Variants in GRM4 observed in about 807,000 individuals in gnomAD.
The protein encoded by GRM4 is glutamate metabotropic receptor 4.
In GRM4, 28 loss-of-function variants were observed where a neutral mutation model predicts 81.7. The observed-to-expected ratio is 0.34, with a 90% CI of 0.25 to 0.47. GRM4 has a LOEUF of 0.47. GRM4 is among the 20% of genes least tolerant of loss of function. The pLI is 1.00. For missense variants in GRM4, 948 were observed against 1,290.0 expected (o/e 0.73, Z 4.06); for synonymous variants, 488 against 528.8 (o/e 0.92, Z 1.06).
chr6:34,136,849 C>T lies in GRM4; in HGVS notation c.-363-2990G>A, dbSNP rs1360251344. On this transcript the variant is annotated intron_variant, in intron 1 of 10. Transcript: ENST00000538487. This position sits in a 1 kb window ranked among gnomAD's most constrained non-coding sequence, Gnocchi z 4.1. Reference sequence around the variant, plus strand: ...CACTGCCTCTTTTAGCTTCCCCTCCCTCCTTTGATCATGTAACAGGAACAA... The same window carrying T: ...CACTGCCTCTTTTAGCTTCCCCTCCTTCCTTTGATCATGTAACAGGAACAA... Among the ~76,000 whole-genome samples, 2 of 152,058 alleles carry T rather than the reference C, an allele frequency of 1.3e-5. No homozygotes were observed. Among genetic ancestry groups the T allele is most frequent in the Non-Finnish European group, 2.9e-5 (2 of 68,006 alleles).
intron 6 of GRM4, among the ~76,000 whole-genome samples, chr6:34,050,911 G>C (rs1765582213): frequency 6.6e-6 from 1 of 152,266 alleles, no homozygotes; most frequent in South Asian, 2.1e-4. Flanking sequence ...TGGGCACACA[G>C]TCAGGCTCTT....
Position 34,036,525 on chromosome 6 carries a change from G to T in GRM4, c.1585C>A (p.Arg529=). The T allele has an allele frequency of 6.2e-7, 1 of 1,611,256 alleles. No individual in the cohort carries two copies. The highest frequency in any genetic ancestry group is 2.2e-5 in the East Asian group (1 of 44,878). The change falls in exon 9 of 11, where the codon CGG becomes AGG. Residue 529 remains arginine (R), a synonymous_variant. Coordinates refer to ENST00000538487, the MANE Select transcript of GRM4 (RefSeq NM_000841.4). The surrounding 1 kb of genome is among the most constrained non-coding windows in gnomAD (Gnocchi z 9.0). ...ICSLPCQPGE[R]KKTVKGMPCC... is the part of the protein sequence containing the mutation. ...GGCATGCCCTTCACTGTCTTCTTCC[G>T]CTCACCCGGTTGGCAGGGCAGGCTG...
intron 1 of GRM4, among the ~76,000 whole-genome samples, chr6:34,151,406 A>ATC (rs550332411): frequency 6.6e-6 from 1 of 151,950 alleles, no homozygotes; most frequent in Non-Finnish European, 1.5e-5. Flanking sequence ...ACAACTTATC[A>ATC]TCTCTCTCTC....
At chr6:34,134,753 C>G (rs933991769) in intron 1 of GRM4, among the ~76,000 whole-genome samples, 1 of 151,032 alleles carries the variant, frequency 6.6e-6, no homozygotes, top group Non-Finnish European at 1.5e-5. Context: ...CCTCTGAGAG[C>G]GGGGCTCGGG....
upstream of GRM4, among the ~76,000 whole-genome samples, chr6:34,149,496 C>T (rs992311797): frequency 7.9e-5 from 12 of 152,204 alleles, no homozygotes; most frequent in African/African-American, 2.7e-4. Context: ...TAAGTCACCC[C>T]GCAGGCACTG....
rs1367266754 is a variant in GRM4, at chr6:34,070,273, T to C, written c.737-8245A>G. Among the ~76,000 whole-genome samples, 1 of 152,130 alleles carries C rather than the reference T, an allele frequency of 6.6e-6. No homozygotes were observed. The highest frequency in any genetic ancestry group is 1.9e-4 in the East Asian group (1 of 5,180). Reference sequence around the variant, plus strand: ...ACTCTGTGCTCAGCGTCCACACGCGTGGGGTGGGTACCCACGTGCACCTGG... The same window carrying C: ...ACTCTGTGCTCAGCGTCCACACGCGCGGGGTGGGTACCCACGTGCACCTGG... On this transcript the variant is annotated intron_variant, in intron 3 of 10. Transcript: ENST00000538487. The surrounding 1 kb of genome is among the most constrained non-coding windows in gnomAD (Gnocchi z 4.6).
chr6:34,050,192 G>T (rs1057286432), intron 6 of GRM4, among the ~76,000 whole-genome samples: 1 of 152,138 alleles, frequency 6.6e-6, no homozygotes, highest in African/African-American at 2.4e-5. Flanking sequence ...TGCACTTGCT[G>T]AGCGCTGTGC....
intron 10 of GRM4, chr6:34,024,551 A>C: frequency 2.5e-6 from 1 of 406,616 alleles, no homozygotes; most frequent in Non-Finnish European, 5.0e-6. Context: ...GTGTCCAACT[A>C]TCAGTCTATC....
chr6:34,088,113 C>T (rs1768008985), intron 3 of GRM4, among the ~76,000 whole-genome samples: 1 of 152,044 alleles, frequency 6.6e-6, no homozygotes, highest in Admixed American at 6.6e-5. Context: ...CTGTATGTGC[C>T]AGGAGCACGT....
chr6:34,040,118 C>A lies in GRM4; in HGVS notation c.1506+60G>T, dbSNP rs939698348. On this transcript the variant is annotated intron_variant, in intron 8 of 10. Coordinates refer to ENST00000538487, the MANE Select transcript of GRM4 (RefSeq NM_000841.4). The stretch of plus-strand genomic sequence containing the variant: ...CAGCAGCAGCCTCCCCTTGGGCCCC[C>A]CTCCCAGGGGCTGGAACTGCGTGAG... 4 of 1,545,776 alleles carry A rather than the reference C, an allele frequency of 2.6e-6. No individual in the cohort carries two copies. The Middle Eastern group carries it at 5.8e-4, about 225-fold the overall frequency.
chr6:34,073,639 G>T (rs1767153947), intron 3 of GRM4, among the ~76,000 whole-genome samples: 1 of 151,950 alleles, frequency 6.6e-6, no homozygotes, highest in African/African-American at 2.4e-5. Flanking sequence ...CCACCGTGAA[G>T]CATCCACACC....
intron 2 of GRM4, among the ~76,000 whole-genome samples, chr6:34,096,045 G>A (rs1381289672): frequency 6.6e-6 from 1 of 152,198 alleles, no homozygotes; most frequent in Non-Finnish European, 1.5e-5. Flanking sequence ...CAGGAGGGGA[G>A]GGAGGGAATG....
upstream of GRM4, among the ~76,000 whole-genome samples, chr6:34,149,008 T>C (rs1226068214): frequency 6.6e-6 from 1 of 151,678 alleles, no homozygotes; most frequent in Non-Finnish European, 1.5e-5. Context: ...TAATACAGAG[T>C]CCTGAGCCTG....
intron 8 of GRM4, among the ~76,000 whole-genome samples, chr6:34,039,181 G>A (rs3798531): frequency 0.039 from 5,990 of 152,272 alleles, 222 homozygotes; most frequent in African/African-American, 0.088. Flanking sequence ...GTGGCCTTTA[G>A]GAGAGTCCTT....
chr6:34,049,169 A>T (rs1361304601), intron 6 of GRM4, among the ~76,000 whole-genome samples: 2 of 151,714 alleles, frequency 1.3e-5, no homozygotes, highest in East Asian at 3.9e-4. Context: ...CTCCTGACCA[A>T]CTCCAGTCTG....
rs1165274608 is a variant in GRM4 at position 34,136,556 on chromosome 6, G to A, written c.-363-2697C>T. On this transcript the variant is annotated intron_variant, in intron 1 of 10. Coordinates refer to ENST00000538487, the MANE Select transcript of GRM4 (RefSeq NM_000841.4). The surrounding 1 kb of genome is among the most constrained non-coding windows in gnomAD (Gnocchi z 4.1). ...CGTCTGGGCTGAGCAGTGCATGCGC[G>A]CGTGCGGACACACACACACACACAC... Among the ~76,000 whole-genome samples, 5 of 95,846 alleles carry A rather than the reference G, an allele frequency of 5.2e-5. No homozygotes were observed. Among genetic ancestry groups the A allele is most frequent in the Non-Finnish European group, 8.7e-5 (4 of 46,172 alleles). 62.9% of individuals were successfully genotyped at this position (95,846 alleles called of 152,430 possible).
intron 2 of GRM4, among the ~76,000 whole-genome samples, chr6:34,131,124 C>T (rs1019020527): frequency 6.6e-6 from 1 of 152,214 alleles, no homozygotes; most frequent in Non-Finnish European, 1.5e-5. Context: ...TGTCTCCAGT[C>T]CCCACCATAA....
At chr6:34,087,699 AC>A (rs112740380) in intron 3 of GRM4, among the ~76,000 whole-genome samples, 30,410 of 86,118 alleles carry the variant, frequency 0.35, 5,664 homozygotes, top group African/African-American at 0.59. Flanking sequence ...CACACACACA[AC>A]CCCCCCCCCA....
At chr6:34,053,457 T>C (rs1031443188) in intron 6 of GRM4, among the ~76,000 whole-genome samples, 23 of 152,150 alleles carry the variant, frequency 1.5e-4, no homozygotes, top group Admixed American at 6.5e-4. Flanking sequence ...CACCCAGAGA[T>C]AGACAGAGAG....
Sources: allele counts gnomAD v4.1 joint callset (sites outside exome capture counted in the v4.1 genomes callset), GRCh38; gene constraint gnomAD v4.1.1; non-coding constraint Gnocchi (gnomAD v3.1); transcripts MANE v1.5; gene names NCBI Gene and HGNC (gene_info 2026-07-23, HGNC 2026-07-21).